ANKRD31: variants seen among roughly 807,000 people sequenced by gnomAD.
ANKRD31 encodes the protein ankyrin repeat domain-containing protein 31.
ANKRD31 carries 147 observed loss-of-function variants against 186.0 expected under a neutral mutation model. The observed-to-expected ratio is 0.79, with a 90% confidence interval of 0.69 to 0.91. The LOEUF is 0.91. ANKRD31 is among the 40% of genes least tolerant of loss of function. ANKRD31 has a pLI of 0.00. For synonymous variants in ANKRD31, 673 were observed against 736.4 expected (o/e 0.91, Z 1.39); for missense variants, 1,986 against 2,148.8 (o/e 0.92, Z 1.50).
At chr5:75,109,956 C>G (rs1747635115) in intron 20 of ANKRD31, among the ~76,000 whole-genome samples, 1 of 152,184 alleles carries the variant, frequency 6.6e-6, no homozygotes. Context: ...TAGAAAACTG[C>G]TCTCCAGAGA....
intron 22 of ANKRD31, among the ~76,000 whole-genome samples, chr5:75,094,808 A>T (rs1307625498): frequency 6.6e-6 from 1 of 152,178 alleles, no homozygotes; most frequent in Non-Finnish European, 1.5e-5. Context: ...TTAGATTCAA[A>T]GAGACAAGTA....
chr5:75,084,161 G>A, intron 24 of ANKRD31, 111 bp downstream of exon 24: 1 of 786,400 alleles, frequency 1.3e-6, no homozygotes, highest in Admixed American at 2.4e-5. Flanking sequence ...TAATTATAAT[G>A]ATTGTTAATT....
At chr5:75,073,776 C>T (rs1223839485) in intron 25 of ANKRD31, among the ~76,000 whole-genome samples, 2 of 152,122 alleles carry the variant, frequency 1.3e-5, no homozygotes, top group Non-Finnish European at 2.9e-5. Flanking sequence ...ACTAGCTTTG[C>T]TTGGAGATAA....
chr5:75,228,056 G>A (rs1242456436), intron 2 of ANKRD31, among the ~76,000 whole-genome samples: 2 of 152,274 alleles, frequency 1.3e-5, no homozygotes, highest in South Asian at 2.1e-4. Flanking sequence ...GTTGGGGACC[G>A]CTGCTTTACT....
intron 12 of ANKRD31, among the ~76,000 whole-genome samples, chr5:75,153,129 T>C (rs79413046): frequency 1.3e-5 from 2 of 152,184 alleles, no homozygotes; most frequent in East Asian, 3.9e-4. Flanking sequence ...GAGAAGCTAA[T>C]GTGGCAAGTA....
At chr5:75,089,003 C>T (rs1047350023) in intron 23 of ANKRD31, among the ~76,000 whole-genome samples, 2 of 152,116 alleles carry the variant, frequency 1.3e-5, no homozygotes, top group Non-Finnish European at 2.9e-5. Context: ...GCCTGGAATG[C>T]TTTTTCAAAT....
chr5:75,149,045 T>A (rs558626401), intron 12 of ANKRD31, among the ~76,000 whole-genome samples: 1 of 152,016 alleles, frequency 6.6e-6, no homozygotes, highest in African/African-American at 2.4e-5. Flanking sequence ...AAGGTCCTAA[T>A]TGAATGCTGC....
At chr5:75,183,158 C>T (rs2150224236) in intron 10 of ANKRD31, among the ~76,000 whole-genome samples, 1 of 152,218 alleles carries the variant, frequency 6.6e-6, no homozygotes, top group Middle Eastern at 3.4e-3. Flanking sequence ...AGACAAAAAC[C>T]ATATGATCAT....
intron 10 of ANKRD31, among the ~76,000 whole-genome samples, chr5:75,177,443 A>C (rs1243851978): frequency 6.6e-6 from 1 of 152,202 alleles, no homozygotes; most frequent in African/African-American, 2.4e-5. Flanking sequence ...AGATTCACCA[A>C]AGTTGAAATG....
chr5:75,222,799 G>A (rs937559476), intron 2 of ANKRD31, among the ~76,000 whole-genome samples: 12 of 152,204 alleles, frequency 7.9e-5, no homozygotes, highest in Non-Finnish European at 1.5e-4. Context: ...TTTTGTGGCT[G>A]CATAGTATTT....
chr5:75,098,499 T>G (rs912672123), intron 22 of ANKRD31, among the ~76,000 whole-genome samples: 1 of 152,286 alleles, frequency 6.6e-6, no homozygotes, highest in African/African-American at 2.4e-5. Flanking sequence ...GGGATGGCAT[T>G]GAATCTATAA....
rs1281289290 is a variant in ANKRD31 at position 75,105,081 on chromosome 5, G to T, written c.4478C>A (p.Thr1493Lys). The T allele has an allele frequency of 6.5e-7, 1 of 1,536,990 alleles. No homozygotes were observed. The highest frequency in any genetic ancestry group is 8.7e-7 in the Non-Finnish European group (1 of 1,146,826). The change falls in exon 22 of 26, where the codon ACA becomes AAA. Residue 1493 changes from threonine to lysine, a missense_variant. Thr to Lys is a moderately conservative substitution (Grantham distance 78). Transcript: ENST00000506364. ...SLKIQNCRNV[T>K]SLPCLSLRKL... is the part of the protein sequence containing the mutation. ...CCTTAAACTAAGACAAGGCAATGAT[G>T]TAACATTCCTACAGTTTTGAATTTT...
chr5:75,113,614 C>T (rs1209776457), intron 19 of ANKRD31, among the ~76,000 whole-genome samples: 1 of 152,102 alleles, frequency 6.6e-6, no homozygotes, highest in Admixed American at 6.6e-5. Flanking sequence ...CATACACATT[C>T]ATTTCTAAAA....
intron 17 of ANKRD31, among the ~76,000 whole-genome samples, 172 bp from the exon 18 acceptor site, chr5:75,118,469 T>G (rs894992714): frequency 6.6e-6 from 1 of 152,186 alleles, no homozygotes; most frequent in Non-Finnish European, 1.5e-5. Context: ...TAATCCAATT[T>G]GGACTGATTA....
chr5:75,187,542 C>T (rs938829067), intron 10 of ANKRD31, among the ~76,000 whole-genome samples: 11 of 151,826 alleles, frequency 7.2e-5, no homozygotes, highest in Admixed American at 6.6e-5. Context: ...TATAGGGCTA[C>T]TCTTGAACTC....
chr5:75,131,632 G>A (rs1166872747), intron 17 of ANKRD31, among the ~76,000 whole-genome samples: 2 of 152,180 alleles, frequency 1.3e-5, no homozygotes, highest in Non-Finnish European at 2.9e-5. Context: ...AGACTTAAAC[G>A]TCCCTGTCTG....
chr5:75,153,653 T>C (rs1340301556), intron 12 of ANKRD31, among the ~76,000 whole-genome samples: 1 of 152,148 alleles, frequency 6.6e-6, no homozygotes, highest in African/African-American at 2.4e-5. Flanking sequence ...TGCAGAGTCC[T>C]GAGCAGATGA....
chr5:75,230,804 C>T (rs917671976), intron 1 of ANKRD31, among the ~76,000 whole-genome samples, 169 bp from the exon 2 acceptor site: 2 of 152,122 alleles, frequency 1.3e-5, no homozygotes, highest in African/African-American at 2.4e-5. Context: ...TGATTGAAAA[C>T]ACATCCAAGA....
chr5:75,171,549 A>G (rs1287475380), intron 10 of ANKRD31, among the ~76,000 whole-genome samples: 1 of 151,930 alleles, frequency 6.6e-6, no homozygotes, highest in Non-Finnish European at 1.5e-5. Flanking sequence ...TTTCTACCTT[A>G]TTAAAGCTAA....
Sources: gnomAD v4.1 joint callset for allele counts (sites outside exome capture counted in the v4.1 genomes callset) on GRCh38, gnomAD v4.1.1 for gene constraint, MANE v1.5 for transcripts, NCBI Gene and HGNC (gene_info 2026-07-23, HGNC 2026-07-21) for gene names.